The following DEAF1 variants were observed in gnomAD, a reference collection of about 807,000 sequenced individuals.
DEAF1 encodes DEAF1 transcription factor, also known as deformed epidermal autoregulatory factor 1 homolog.
Under a neutral mutation model 58.9 loss-of-function variants are expected in DEAF1, and 53 were observed. That is an observed-to-expected ratio of 0.90 (90% CI 0.72 to 1.13). The LOEUF is 1.13. Ranked by LOEUF, DEAF1 falls within the 50% of genes most tolerant of loss-of-function variation. The pLI, the probability that DEAF1 is intolerant of heterozygous loss-of-function variation, is 0.00. For missense variants in DEAF1, 685 were observed against 791.4 expected, an observed-to-expected ratio of 0.87 and a Z score of 1.61; for synonymous variants, 385 against 340.4, an observed-to-expected ratio of 1.13 and a Z score of -1.44.
At chr11:697,262 C>T (rs1564959829), upstream of DEAF1, among the ~76,000 whole-genome samples, 1 of 152,150 alleles carries the variant, frequency 6.6e-6, no homozygotes, top group Non-Finnish European at 1.5e-5. Flanking sequence ...TCTAAAAAAA[C>T]TAAGTGTATA....
chr11:678,556 T>G (rs1860185531), intron 9 of DEAF1, 138 bp downstream of exon 9: 1 of 1,275,714 alleles, frequency 7.8e-7, no homozygotes, highest in Non-Finnish European at 1.1e-6. Flanking sequence ...TGGGCCACAC[T>G]TTACCAGCCA....
At chr11:680,242 A>G (rs1860291985) in intron 7 of DEAF1, among the ~76,000 whole-genome samples, 1 of 152,206 alleles carries the variant, frequency 6.6e-6, no homozygotes, top group Non-Finnish European at 1.5e-5. Flanking sequence ...CAGCTCAAAA[A>G]AAAATCCTGG....
intron 5 of DEAF1, among the ~76,000 whole-genome samples, chr11:686,153 G>A (rs967594371): frequency 2.0e-5 from 3 of 150,038 alleles, no homozygotes; most frequent in Non-Finnish European, 3.0e-5. Flanking sequence ...AAAGCCAGGT[G>A]TGGTGGCGGG....
chr11:659,228 C>CAA (rs34491245), intron 10 of DEAF1, among the ~76,000 whole-genome samples: 1 of 79,726 alleles, frequency 1.3e-5, no homozygotes, highest in South Asian at 4.1e-4. Context: ...CCTGTCTCTA[C>CAA]AAAAAAAAAA....
chr11:693,362 C>A (rs1860919930), intron 1 of DEAF1: 2 of 152,110 alleles, frequency 1.3e-5, no homozygotes, highest in African/African-American at 4.8e-5. Flanking sequence ...ACCAACCAAA[C>A]AAGCAGCAGT....
At chr11:695,408 C>T, upstream of DEAF1, 2 of 423,858 alleles carry the variant, frequency 4.7e-6, no homozygotes, top group East Asian at 7.1e-5. Context: ...CCCTGCTCTC[C>T]TCACTGTCCT....
At chr11:700,588 T>C (rs759989462) in intron 1 of DEAF1, 30 of 1,594,218 alleles carry the variant, frequency 1.9e-5, no homozygotes, top group Admixed American at 5.0e-5. Context: ...AGGTTACTTA[T>C]GTTCCGTCCG....
chr11:695,490 G>A, upstream of DEAF1: 1 of 805,796 alleles, frequency 1.2e-6, no homozygotes, highest in Non-Finnish European at 1.7e-6. Flanking sequence ...GCCGGCGGCC[G>A]GCGCAATTCT....
chr11:667,083 C>A (rs1167939763), intron 10 of DEAF1, among the ~76,000 whole-genome samples: 1 of 151,850 alleles, frequency 6.6e-6, no homozygotes, highest in South Asian at 2.1e-4. Context: ...ATGTGTAGTC[C>A]CAGCTACTCA....
At chr11:693,087 T>C (rs1336530659) in intron 1 of DEAF1, among the ~76,000 whole-genome samples, 4 of 152,200 alleles carry the variant, frequency 2.6e-5, no homozygotes, top group African/African-American at 9.7e-5. Flanking sequence ...CGTCAGCTGT[T>C]CGTAATTTTT....
At chr11:672,429 T>C (rs1859870830) in intron 10 of DEAF1, among the ~76,000 whole-genome samples, 1 of 151,320 alleles carries the variant, frequency 6.6e-6, no homozygotes, top group Non-Finnish European at 1.5e-5. Context: ...TCTAGTAGAA[T>C]CCGTAACAAA....
At chr11:666,920 C>T (rs1338604304) in intron 10 of DEAF1, among the ~76,000 whole-genome samples, 1 of 150,690 alleles carries the variant, frequency 6.6e-6, no homozygotes, top group Non-Finnish European at 1.5e-5. Flanking sequence ...TAGTTATAGC[C>T]AGGAGCAGTG....
rs1043417916 is a variant in DEAF1 at position 695,000 on chromosome 11, C to G, written c.48G>C (p.Ala16=). Residue 16 remains alanine (A), a synonymous_variant, in exon 1 of 12, where the codon GCG becomes GCC. Coordinates refer to ENST00000382409, the MANE Select transcript of DEAF1 (RefSeq NM_021008.4). The part of the protein sequence containing the change: ...SAAKQLGLAE[A]AAVAAAAAVA... ...CAGCGGCCGCGGCCGCCACCGCCGC[C>G]GCCTCAGCCAGGCCCAGCTGCTTTG... The G allele has an allele frequency of 1.4e-5, 18 of 1,271,336 alleles. No homozygotes were observed. The highest frequency in any genetic ancestry group is 1.7e-5 in the Non-Finnish European group (17 of 1,011,400). 78.8% of individuals were successfully genotyped at this position (1,271,336 alleles called of 1,614,324 possible).
chr11:683,443 T>C (rs9666056), intron 6 of DEAF1, among the ~76,000 whole-genome samples: 76,630 of 152,044 alleles, frequency 0.5, 20,146 homozygotes, highest in East Asian at 0.73. Flanking sequence ...GACACTCTAG[T>C]CTGACCCAGA....
intron 5 of DEAF1, 52 bp downstream of exon 5, chr11:686,806 G>A (rs1018789209): frequency 2.5e-6 from 4 of 1,611,910 alleles, no homozygotes; most frequent in Non-Finnish European, 3.4e-6. Flanking sequence ...CCGCCTCAGA[G>A]GGCCCCACGT....
At chr11:687,189 C>A (rs752533436) in intron 4 of DEAF1, among the ~76,000 whole-genome samples, 192 bp from the exon 5 acceptor site, 1 of 152,240 alleles carries the variant, frequency 6.6e-6, no homozygotes, top group Admixed American at 6.5e-5. Context: ...CCTCTGACCC[C>A]CTACGTGATC....
chr11:694,403 A>C, intron 1 of DEAF1: 2 of 126,336 alleles, frequency 1.6e-5, no homozygotes, highest in Non-Finnish European at 1.5e-5. Flanking sequence ...CAGGTGGGGA[A>C]GGCTGGAAAC....
intron 10 of DEAF1, among the ~76,000 whole-genome samples, chr11:670,758 CT>C (rs761006912): frequency 0.022 from 2,131 of 96,618 alleles, 28 homozygotes; most frequent in Non-Finnish European, 0.03. Context: ...TTTTTAATTT[CT>C]TTTTTCTTTT....
upstream of DEAF1, chr11:700,177 C>T (rs1861378432): frequency 1.2e-6 from 2 of 1,614,182 alleles, no homozygotes; most frequent in South Asian, 2.2e-5. Flanking sequence ...TGTTTTATCT[C>T]AGCGGAACGT....
Sources: gnomAD v4.1 joint callset for allele counts (sites outside exome capture counted in the v4.1 genomes callset) on GRCh38, gnomAD v4.1.1 for gene constraint, MANE v1.5 for transcripts, NCBI Gene and HGNC (gene_info 2026-07-23, HGNC 2026-07-21) for gene names.